RHBDF2: variants seen among roughly 807,000 people sequenced by gnomAD.
The protein encoded by RHBDF2 is inactive rhomboid protein 2.
In RHBDF2, 38 loss-of-function variants were observed where a neutral mutation model predicts 95.2. The ratio of observed to expected loss-of-function variants is 0.40; its 90% CI spans 0.31 to 0.52. RHBDF2 has a LOEUF of 0.52. Ranked by LOEUF, RHBDF2 falls within the 20% of genes least tolerant of loss-of-function variation. RHBDF2 has a pLI of 0.56. For missense variants in RHBDF2, 863 were observed against 1,137.7 expected (o/e 0.76, Z 3.47); for synonymous variants, 442 against 462.0 (o/e 0.96, Z 0.55).
Position 76,471,020 on chromosome 17 carries a change from G to A in RHBDF2, c.*613C>T, listed in dbSNP as rs1415278519. On this transcript the variant is annotated 3_prime_UTR_variant, in exon 19 of 19. Transcript: ENST00000675367. Reference sequence around the variant, plus strand: ...CCTGATGCGCCTCGAGCACTCCCTGGGAGCAGGCCCTGGGGTGGCTCCGCC... The same window carrying A: ...CCTGATGCGCCTCGAGCACTCCCTGAGAGCAGGCCCTGGGGTGGCTCCGCC... 6.5e-6 allele frequency: 1 copy of A among 153,236 alleles called. No homozygotes were observed. The highest frequency in any genetic ancestry group is 1.9e-4 in the East Asian group (1 of 5,202). The allele number at this position is 153,236 out of a possible 1,614,324, so 9.5% of individuals were successfully genotyped here. A position where few individuals can be genotyped will look rare whatever the true frequency, so the allele number is the denominator to read the frequency against.
rs147143865 is a variant in RHBDF2 at position 76,478,954 on chromosome 17, C to T, written c.524G>A (p.Arg175Lys). 3.8e-5 allele frequency: 61 copies of T among 1,595,064 alleles called. No homozygotes were observed. Among genetic ancestry groups the T allele is most frequent in the Non-Finnish European group, 4.9e-5 (57 of 1,168,948 alleles). The change falls in exon 6 of 19, where the codon AGG becomes AAG. Residue 175 changes from arginine to lysine, a missense_variant. Coordinates refer to ENST00000675367, the MANE Select transcript of RHBDF2 (RefSeq NM_001005498.4). ...CAGCGGTGGGTGCGGGGCGTGGGGC[C>T]TGTCCATCTCCTCCGGGTGGCGGAA... ...RAFRHPEEMD[R>K]PHAPHPPLTP...
chr17:76,476,563 T>G (rs2073778070), intron 9 of RHBDF2: 1 of 476,150 alleles, frequency 2.1e-6, no homozygotes, highest in East Asian at 3.7e-5. Context: ...AATGAACATT[T>G]GTTGACTGAC....
chr17:76,479,689 G>T, intron 4 of RHBDF2, 44 bp downstream of exon 4: 1 of 1,475,740 alleles, frequency 6.8e-7, no homozygotes. Context: ...GAATCCACAG[G>T]TTGCTGGGTG....
In RHBDF2 at chr17:76,484,850, G is replaced by A. The variant is rs1187207708; in HGVS notation, c.-22+2862C>T. Among the ~76,000 whole-genome samples the A allele has an allele frequency of 2.6e-5, 4 of 152,150 alleles. No homozygotes were observed. In the East Asian group the frequency reaches 5.8e-4, roughly 22 times the overall value. ...GATCAAAAGCAATGGAGCCGGCAGC[G>A]CATACTGGGCCAATGGTCTTGCATT... On this transcript the variant is annotated intron_variant, in intron 2 of 18. Transcript: ENST00000675367.
At chr17:76,489,003 G>A (rs916286461) in intron 1 of RHBDF2, among the ~76,000 whole-genome samples, 1 of 151,700 alleles carries the variant, frequency 6.6e-6, no homozygotes, top group Non-Finnish European at 1.5e-5. Flanking sequence ...TGGTGGGCCT[G>A]TAATCCCAGC....
At chr17:76,482,081 G>A (rs994349733) in intron 2 of RHBDF2, among the ~76,000 whole-genome samples, 1 of 151,208 alleles carries the variant, frequency 6.6e-6, no homozygotes, top group African/African-American at 2.4e-5. Flanking sequence ...GTTGGAGTGA[G>A]GTCTATTTCT....
At chr17:76,488,806 G>C (rs1300559987) in intron 1 of RHBDF2, among the ~76,000 whole-genome samples, 1 of 152,106 alleles carries the variant, frequency 6.6e-6, no homozygotes, top group Non-Finnish European at 1.5e-5. Flanking sequence ...AAAGTAGCCG[G>C]GTGTGGTGGC....
chr17:76,477,261 G>T lies in RHBDF2; in HGVS notation c.839C>A (p.Ser280Tyr). ...GAAGTAGCTGGCAGAGAGTGGGGGGGACTCAAAGACATCATCAGGCATGGA... is the reference window on the plus strand; with the variant it reads ...GAAGTAGCTGGCAGAGAGTGGGGGGTACTCAAAGACATCATCAGGCATGGA... ...MSSMPDDVFE[S>Y]PPLSASYFRG... is the part of the protein sequence containing the mutation. The change falls in exon 8 of 19, where the codon TCC becomes TAC. Residue 280 changes from serine to tyrosine, a missense_variant. Physicochemically the swap from Ser to Tyr is moderately radical, Grantham distance 144. Around this residue, in one of 2 missense-constraint regions of RHBDF2, gnomAD observed 611 missense variants for 725.5 expected, o/e 0.84. Transcript: ENST00000675367. 5 of 1,610,164 alleles carry T rather than the reference G, an allele frequency of 3.1e-6. No individual in the cohort carries two copies. Among genetic ancestry groups the T allele is most frequent in the Non-Finnish European group, 4.2e-6 (5 of 1,178,736 alleles).
At chr17:76,488,089 T>C (rs4480835) in intron 1 of RHBDF2, 180 bp from the exon 2 acceptor site, 146,245 of 152,402 alleles carry the variant, frequency 0.96, 70,445 homozygotes, top group Non-Finnish European at 1. Context: ...GGCCTCAGGG[T>C]GTTCACAGCC....
rs149383733 is a variant in RHBDF2 at position 76,473,258 on chromosome 17, G to A, written c.1803C>T (p.Cys601=). Residue 601 remains cysteine, a synonymous_variant, in exon 16 of 19, where the codon TGC becomes TGT. Coordinates refer to ENST00000675367, the MANE Select transcript of RHBDF2 (RefSeq NM_001005498.4). Reference sequence around the variant, plus strand: ...CAGGCCTGCCTCGCCTCACCTGGGAGCAGAGTGTTGCTTCCTCATGGAAAT... The same window carrying A: ...CAGGCCTGCCTCGCCTCACCTGGGAACAGAGTGTTGCTTCCTCATGGAAAT... ...HGYFHEEATL[C]SQVHCLDKVC... 7 of 1,612,504 alleles carry A rather than the reference G, an allele frequency of 4.3e-6. No individual in the cohort carries two copies. The Admixed American group carries it at 5.0e-5, about 12-fold the overall frequency.
chr17:76,480,626 T>A (rs1385815728), intron 3 of RHBDF2, among the ~76,000 whole-genome samples: 3 of 152,170 alleles, frequency 2.0e-5, no homozygotes, highest in Non-Finnish European at 2.9e-5. Flanking sequence ...GCTCAAGTGA[T>A]CTGGCTGCCT....
At chr17:76,481,779 C>T (rs1248625662) in intron 2 of RHBDF2, 1 of 305,604 alleles carries the variant, frequency 3.3e-6, no homozygotes, top group African/African-American at 2.1e-5. Flanking sequence ...ATGGTGAAAC[C>T]CCGTCTCTAC....
chr17:76,489,172 A>G (rs2074230849), intron 1 of RHBDF2, among the ~76,000 whole-genome samples: 1 of 152,166 alleles, frequency 6.6e-6, no homozygotes, highest in African/African-American at 2.4e-5. Context: ...TTTAACATTC[A>G]AAGTCCAGGA....
Position 76,473,070 on chromosome 17 carries a change from G to A in RHBDF2, c.1845C>T (p.Pro615=), listed in dbSNP as rs746615610. 3 of 1,614,016 alleles carry A rather than the reference G, an allele frequency of 1.9e-6. No homozygotes were observed. Among genetic ancestry groups the A allele is most frequent in the African/African-American group, 2.7e-5 (2 of 74,930 alleles). Residue 615 remains proline (P), a synonymous_variant, in exon 17 of 19, where the codon CCC becomes CCT. Coordinates refer to ENST00000675367, the MANE Select transcript of RHBDF2 (RefSeq NM_001005498.4). Reference sequence around the variant, plus strand: ...GATCTGGGACCTCAGGGTTGAGGAAGGGCAGCAGCCCACACACCTTGTCCA... The same window carrying A: ...GATCTGGGACCTCAGGGTTGAGGAAAGGCAGCAGCCCACACACCTTGTCCA... ...HCLDKVCGLL[P]FLNPEVPDQF... is the part of the protein sequence containing the mutation.
chr17:76,485,696 G>A (rs2074107982), intron 2 of RHBDF2, among the ~76,000 whole-genome samples: 1 of 152,186 alleles, frequency 6.6e-6, no homozygotes, highest in Admixed American at 6.5e-5. Context: ...TGCAGAGCCG[G>A]AGCAGGAAAA....
At position 76,471,259 on chromosome 17, in the gene RHBDF2, G is replaced by A. The variant is rs926023578; in HGVS notation, c.*374C>T. 1 of 231,326 alleles carries A rather than the reference G, an allele frequency of 4.3e-6. No individual in the cohort carries two copies. Among genetic ancestry groups the A allele is most frequent in the Non-Finnish European group, 8.5e-6 (1 of 117,312 alleles). The allele number at this position is 231,326 out of a possible 1,614,324, so 14.3% of individuals were successfully genotyped here. ...ACGTCCCCAGCAAGGGCACGCTCCAGTAGTAGTGGGGGAGAAGGCACCAGC... is the reference window on the plus strand; with the variant it reads ...ACGTCCCCAGCAAGGGCACGCTCCAATAGTAGTGGGGGAGAAGGCACCAGC... On this transcript the variant is annotated 3_prime_UTR_variant, in exon 19 of 19. Transcript: ENST00000675367.
rs2073668401 is a variant in RHBDF2 at position 76,473,755 on chromosome 17, G to A, written c.1639-13C>T. The A allele has an allele frequency of 1.2e-6, 2 of 1,611,440 alleles. No individual in the cohort carries two copies. The highest frequency in any genetic ancestry group is 1.7e-5 in the Admixed American group (1 of 59,670). ...GCTCTGTGCAGATCTGCCAGGAGGG[G>A]GCACCGGCAGGGAAGTGGGCTGTGC... is the stretch of plus-strand genomic sequence containing the variant. On this transcript the variant is annotated splice_polypyrimidine_tract_variant and intron_variant, in intron 14 of 18. Transcript: ENST00000675367.
At chr17:76,490,652 T>C (rs954939976) in intron 1 of RHBDF2, among the ~76,000 whole-genome samples, 2 of 152,010 alleles carry the variant, frequency 1.3e-5, no homozygotes, top group Non-Finnish European at 2.9e-5. Flanking sequence ...AGGTAGGATC[T>C]TTCTGGAACC....
At chr17:76,499,245 C>G (rs2074515265) in intron 1 of RHBDF2, among the ~76,000 whole-genome samples, 1 of 152,128 alleles carries the variant, frequency 6.6e-6, no homozygotes, top group Non-Finnish European at 1.5e-5. Context: ...GGCAAGAAGG[C>G]TGGGTCCAGA....
Sources: gnomAD v4.1 joint callset for allele counts (sites outside exome capture counted in the v4.1 genomes callset) on GRCh38, gnomAD v4.1.1 for gene constraint, gnomAD v4.1.1 regional missense constraint, MANE v1.5 for transcripts, NCBI Gene and HGNC (gene_info 2026-07-23, HGNC 2026-07-21) for gene names.